Variants in CHIC1 observed in about 807,000 individuals in gnomAD.
CHIC1 encodes cysteine rich hydrophobic domain 1, also known as cysteine-rich hydrophobic domain-containing protein 1.
Under a neutral mutation model 18.5 loss-of-function variants are expected in CHIC1, and 7 were observed. The observed-to-expected ratio is 0.38, with a 90% CI of 0.22 to 0.71. The LOEUF (loss-of-function observed/expected upper bound fraction) is 0.71. Ranked by LOEUF, CHIC1 falls within the 30% of genes least tolerant of loss-of-function variation. The pLI is 0.49. For synonymous variants in CHIC1, 77 were observed against 73.5 expected, an observed-to-expected ratio of 1.05 and a Z score of -0.25; for missense variants, 159 against 176.9, an observed-to-expected ratio of 0.90 and a Z score of 0.57.
At chrX:73,589,379 G>A (rs1486307144) in intron 3 of CHIC1, among the ~76,000 whole-genome samples, 1 of 110,331 alleles carries the variant, frequency 9.1e-6, no homozygotes, top group African/African-American at 3.3e-5. Flanking sequence ...GTTTTTTACT[G>A]TACTGTATAC....
At chrX:73,646,964 T>A (rs751915199) in intron 3 of CHIC1, among the ~76,000 whole-genome samples, 1 of 112,253 alleles carries the variant, frequency 8.9e-6, no homozygotes, top group South Asian at 3.7e-4. Context: ...ACATTTCTAT[T>A]TGATTTTTGT....
Position 73,607,821 on chromosome X carries a change from A to AC in CHIC1, c.507+23250dup, listed in dbSNP as rs776556106. 3.4e-4 allele frequency among the ~76,000 whole-genome samples: 36 copies of AC among 107,053 alleles called. 6 individuals carry two copies. Among genetic ancestry groups the AC allele is most frequent in the African/African-American group, 1.3e-3 (36 of 27,370 alleles). The allele number at this position is 107,053 out of a possible 115,157, so 93.0% of individuals were successfully genotyped here. ...TGCTCGCCCTCTGTGGGCTGCACCC[A>AC]CTGTCTAACCAGTCCAGTGAGATGA... On this transcript the variant is annotated intron_variant, in intron 3 of 5. Transcript: ENST00000373502.
chrX:73,652,509 G>A (rs1310594494), intron 3 of CHIC1, among the ~76,000 whole-genome samples: 19 of 111,943 alleles, frequency 1.7e-4, no homozygotes, highest in Non-Finnish European at 3.6e-4. Flanking sequence ...CTAATACCCA[G>A]AATCTACTAG....
chrX:73,669,191 G>A (rs1383520290), intron 3 of CHIC1, among the ~76,000 whole-genome samples: 1 of 110,974 alleles, frequency 9.0e-6, no homozygotes, highest in Non-Finnish European at 1.9e-5. Flanking sequence ...ACAGCTGAGT[G>A]ACCAACCAAC....
At chrX:73,649,309 A>T (rs903439506) in intron 3 of CHIC1, among the ~76,000 whole-genome samples, 1 of 111,741 alleles carries the variant, frequency 8.9e-6, no homozygotes, top group Non-Finnish European at 1.9e-5. Flanking sequence ...CAAAATAACC[A>T]GCTAGGATCA....
chrX:73,635,271 CTT>C (rs1419236497), intron 3 of CHIC1, among the ~76,000 whole-genome samples: 2 of 111,777 alleles, frequency 1.8e-5, no homozygotes, highest in Non-Finnish European at 3.8e-5. Flanking sequence ...ATGCTACTGA[CTT>C]TGATTTGCTT....
intron 3 of CHIC1, among the ~76,000 whole-genome samples, chrX:73,659,257 T>C (rs2057967143): frequency 9.0e-6 from 1 of 111,437 alleles, no homozygotes; most frequent in Admixed American, 9.5e-5. Flanking sequence ...TTTGGCTGCC[T>C]TCAGTCAAAT....
At chrX:73,668,725 A>C (rs1028754029) in intron 3 of CHIC1, among the ~76,000 whole-genome samples, 1 of 111,862 alleles carries the variant, frequency 8.9e-6, no homozygotes, top group Non-Finnish European at 1.9e-5. Flanking sequence ...TTCCTCTGGA[A>C]GCTCCATTCC....
chrX:73,665,616 C>A (rs2058000901), intron 3 of CHIC1, among the ~76,000 whole-genome samples: 2 of 111,391 alleles, frequency 1.8e-5, no homozygotes, highest in African/African-American at 6.5e-5. Context: ...AAACCCCAAG[C>A]AGGCACCAGT....
chrX:73,651,482 A>G (rs1346411339), intron 3 of CHIC1, among the ~76,000 whole-genome samples: 1 of 111,152 alleles, frequency 9.0e-6, no homozygotes, highest in Non-Finnish European at 1.9e-5. Context: ...AGAGAACCCC[A>G]TTGTCTCAGC....
intron 3 of CHIC1, among the ~76,000 whole-genome samples, chrX:73,676,415 G>A (rs1224650175): frequency 2.7e-5 from 3 of 111,466 alleles, no homozygotes; most frequent in African/African-American, 6.5e-5. Flanking sequence ...ATATTTTTTG[G>A]AGGCTTTCTT....
chrX:73,656,175 A>C (rs1206741779), intron 3 of CHIC1, among the ~76,000 whole-genome samples: 1 of 111,450 alleles, frequency 9.0e-6, no homozygotes, highest in Non-Finnish European at 1.9e-5. Context: ...AAGTTTGTTT[A>C]AGGTCCTTGT....
chrX:73,659,513 A>T (rs1417485913), intron 3 of CHIC1, among the ~76,000 whole-genome samples: 1 of 107,828 alleles, frequency 9.3e-6, no homozygotes, highest in Non-Finnish European at 1.9e-5. Flanking sequence ...GAGCCTTGCC[A>T]ATCGCATGTC....
chrX:73,580,090 A>G (rs1025134129), intron 2 of CHIC1, among the ~76,000 whole-genome samples: 7 of 110,313 alleles, frequency 6.3e-5, no homozygotes, highest in African/African-American at 2.3e-4. Flanking sequence ...CAAATTATCC[A>G]TTTTCAAAAT....
At chrX:73,672,753 G>C (rs2058038726) in intron 3 of CHIC1, among the ~76,000 whole-genome samples, 1 of 111,899 alleles carries the variant, frequency 8.9e-6, no homozygotes, top group Non-Finnish European at 1.9e-5. Flanking sequence ...TTGCTGTGCA[G>C]AAGCTCTTTA....
intron 3 of CHIC1, among the ~76,000 whole-genome samples, chrX:73,589,749 G>T (rs1255126149): frequency 9.0e-6 from 1 of 111,046 alleles, no homozygotes; most frequent in Non-Finnish European, 1.9e-5. Context: ...TCAGCCTAAG[G>T]ATCTCTTTTT....
At chrX:73,605,331 T>C (rs1340991395) in intron 3 of CHIC1, among the ~76,000 whole-genome samples, 8 of 108,285 alleles carry the variant, frequency 7.4e-5, no homozygotes, top group African/African-American at 2.9e-4. Context: ...TCCTGCTTTT[T>C]TTGGCCTTCT....
intron 3 of CHIC1, among the ~76,000 whole-genome samples, chrX:73,669,958 T>A (rs1216186841): frequency 1.8e-5 from 2 of 111,925 alleles, no homozygotes; most frequent in Admixed American, 1.9e-4. Flanking sequence ...GATCTCCGGG[T>A]CAGAGTATGC....
At chrX:73,597,570 A>ATT (rs2057616116) in intron 3 of CHIC1, among the ~76,000 whole-genome samples, 1 of 106,190 alleles carries the variant, frequency 9.4e-6, no homozygotes, top group South Asian at 4.0e-4. Context: ...ATATAACATA[A>ATT]TTATATATAT....
Sources: gnomAD v4.1 joint callset for allele counts (sites outside exome capture counted in the v4.1 genomes callset) on GRCh38, gnomAD v4.1.1 for gene constraint, MANE v1.5 for transcripts, NCBI Gene and HGNC (gene_info 2026-07-23, HGNC 2026-07-21) for gene names.